The following BMP5 variants were observed in gnomAD, a reference collection of about 807,000 sequenced individuals.
BMP5 encodes bone morphogenetic protein 5.
BMP5 carries 23 observed loss-of-function variants against 46.6 expected under a neutral mutation model. The ratio of observed to expected loss-of-function variants is 0.49; its 90% CI spans 0.35 to 0.70. The LOEUF is 0.70. BMP5 is among the 30% of genes least tolerant of loss of function. The probability of loss-of-function intolerance (pLI) is 0.00; values close to 1 mark genes in which losing one functional copy is unlikely to be tolerated. For synonymous variants in BMP5, 204 were observed against 191.9 expected (o/e 1.06, Z -0.52); for missense variants, 545 against 565.6 (o/e 0.96, Z 0.37).
rs73744926 is a variant in BMP5, at chr6:55,840,541, C to T, written c.491-20694G>A. Among the ~76,000 whole-genome samples, 855 of 152,242 alleles carry T rather than the reference C, an allele frequency of 5.6e-3. 4 individuals are homozygous for T. The highest frequency in any genetic ancestry group is 0.019 in the African/African-American group (777 of 41,568). The stretch of plus-strand genomic sequence containing the variant: ...ATACTGATACTATTTTTCTGGTACT[C>T]TGACATTTTTCTTCCAGCATTTCTT... On this transcript the variant is annotated intron_variant, in intron 1 of 6. Coordinates refer to ENST00000370830, the MANE Select transcript of BMP5 (RefSeq NM_021073.4).
intron 2 of BMP5, among the ~76,000 whole-genome samples, chr6:55,814,922 G>A (rs1409019061): frequency 6.6e-6 from 1 of 152,154 alleles, no homozygotes; most frequent in Non-Finnish European, 1.5e-5. Flanking sequence ...CTGAGGTCAG[G>A]AGTTCAAGAC....
intron 2 of BMP5, among the ~76,000 whole-genome samples, chr6:55,812,065 T>C (rs2127535625): frequency 6.6e-6 from 1 of 152,262 alleles, no homozygotes; most frequent in East Asian, 1.9e-4. Flanking sequence ...CTGAATTATC[T>C]GGAAAATTCA....
chr6:55,823,819 T>C (rs1193714280), intron 1 of BMP5, among the ~76,000 whole-genome samples: 2 of 151,936 alleles, frequency 1.3e-5, no homozygotes, highest in East Asian at 3.9e-4. Context: ...TCCTCCTATC[T>C]TTATCTTAGC....
chr6:55,815,644 T>G (rs541333197), intron 2 of BMP5, among the ~76,000 whole-genome samples: 2 of 152,246 alleles, frequency 1.3e-5, no homozygotes, highest in East Asian at 3.9e-4. Context: ...GAGTAATATT[T>G]TTTAAATCAG....
chr6:55,800,049 TACAC>T, intron 2 of BMP5, among the ~76,000 whole-genome samples: 1 of 152,064 alleles, frequency 6.6e-6, no homozygotes, highest in South Asian at 2.1e-4. Flanking sequence ...CACACATGTA[TACAC>T]ACACACACAA....
rs542594784 is a variant in BMP5 at position 55,773,940 on chromosome 6, T to A, written c.1027+109A>T. ...CTAGAAACATCACTGGAAGATTTAATGTACCATCCGAAGGTATACATAGAG... is the reference window on the plus strand; with the variant it reads ...CTAGAAACATCACTGGAAGATTTAAAGTACCATCCGAAGGTATACATAGAG... On this transcript the variant is annotated intron_variant, in intron 4 of 6. Transcript: ENST00000370830. The A allele has an allele frequency of 1.8e-4, 212 of 1,183,242 alleles. 2 individuals are homozygous for A. The African/African-American group carries it at 2.9e-3, about 16-fold the overall frequency. The allele number at this position is 1,183,242 out of a possible 1,614,324, so 73.3% of individuals were successfully genotyped here.
At position 55,759,112 on chromosome 6, in the gene BMP5, A is replaced by T. The variant is rs762757308; in HGVS notation, c.1108T>A (p.Trp370Arg). 1 of 1,137,936 alleles carries T rather than the reference A, an allele frequency of 8.8e-7. No homozygotes were observed. Among genetic ancestry groups the T allele is most frequent in the Non-Finnish European group, 1.2e-6 (1 of 802,960 alleles). 70.5% of individuals were successfully genotyped at this position (1,137,936 alleles called of 1,614,324 possible). A position where few individuals can be genotyped will look rare whatever the true frequency, so the allele number is the denominator to read the frequency against. Residue 370 changes from tryptophan to arginine, a missense_variant, in exon 6 of 7, where the codon TGG (tryptophan) becomes AGG (arginine). By Grantham distance (101) the Trp-to-Arg change is moderately radical. Transcript: ENST00000370830. ...GCGTATCCTTCTGGTGCTATAATCCAGTCCTGACACATACACACACACACA... is the reference window on the plus strand; with the variant it reads ...GCGTATCCTTCTGGTGCTATAATCCTGTCCTGACACATACACACACACACA... Reference protein sequence around the residue: ...VSFRDLGWQDWIIAPEGYAAF... With the variant: ...VSFRDLGWQDRIIAPEGYAAF...
chr6:55,803,147 T>TG (rs548461323), intron 2 of BMP5, among the ~76,000 whole-genome samples: 2 of 3,022 alleles, frequency 6.6e-4, no homozygotes, highest in African/African-American at 1.2e-3. Context: ...TTAGCTGGGG[T>TG]GGGGGGGTGG....
chr6:55,801,890 G>A (rs183858016), intron 2 of BMP5, among the ~76,000 whole-genome samples: 75 of 152,250 alleles, frequency 4.9e-4, no homozygotes, highest in African/African-American at 1.6e-3. Flanking sequence ...TCATGCTTAC[G>A]GAAGTCACCG....
At chr6:55,818,552 T>A (rs1776331105) in intron 2 of BMP5, among the ~76,000 whole-genome samples, 2 of 152,094 alleles carry the variant, frequency 1.3e-5, no homozygotes, top group African/African-American at 2.4e-5. Context: ...AAATAAAAAA[T>A]TTTAAAAAAG....
chr6:55,823,257 G>C (rs1245111941), intron 1 of BMP5, among the ~76,000 whole-genome samples: 1 of 152,030 alleles, frequency 6.6e-6, no homozygotes, highest in Non-Finnish European at 1.5e-5. Context: ...TCTTTCAGCA[G>C]TACACAAAAA....
chr6:55,860,441 A>G (rs1189164954), intron 1 of BMP5, among the ~76,000 whole-genome samples: 1 of 152,228 alleles, frequency 6.6e-6, no homozygotes, highest in Non-Finnish European at 1.5e-5. Flanking sequence ...TCTAATAAAA[A>G]TTAAATGTTT....
At position 55,848,629 on chromosome 6, in the gene BMP5, A is replaced by T. The variant is rs73448131; in HGVS notation, c.490+25747T>A. ...TTGATGACTGAGGAGTTGGGAGTTT[A>T]TGCTGTGGTCCGTGGATGATCATAG... is the stretch of plus-strand genomic sequence containing the variant. On this transcript the variant is annotated intron_variant, in intron 1 of 6. Transcript: ENST00000370830. Among the ~76,000 whole-genome samples, 743 of 152,068 alleles carry T rather than the reference A, an allele frequency of 4.9e-3. 14 individuals are homozygous for T. Among genetic ancestry groups the T allele is most frequent in the African/African-American group, 0.016 (667 of 41,534 alleles).
Position 55,780,722 on chromosome 6 carries a change from A to T in BMP5, c.833-6479T>A, listed in dbSNP as rs1294237473. 2.6e-5 allele frequency among the ~76,000 whole-genome samples: 4 copies of T among 152,150 alleles called. No homozygotes were observed. In the East Asian group the frequency reaches 7.8e-4, roughly 30 times the overall value. ...ATATTTGGTCAGAAACATTGGCAGG[A>T]TAACTAAAGTCATGCAGGGGGAGAA... On this transcript the variant is annotated intron_variant, in intron 3 of 6. Coordinates refer to ENST00000370830, the MANE Select transcript of BMP5 (RefSeq NM_021073.4).
intron 1 of BMP5, among the ~76,000 whole-genome samples, chr6:55,833,873 T>C (rs1415540835): frequency 6.6e-6 from 1 of 152,150 alleles, no homozygotes; most frequent in African/African-American, 2.4e-5. Context: ...AGTCCTACAA[T>C]GTCCAGAGAG....
chr6:55,785,097 A>G (rs531215754), intron 3 of BMP5, among the ~76,000 whole-genome samples: 1 of 151,996 alleles, frequency 6.6e-6, no homozygotes, highest in South Asian at 2.1e-4. Context: ...TGCATGGTTT[A>G]AATTCTTACT....
intron 6 of BMP5, among the ~76,000 whole-genome samples, chr6:55,758,510 A>G (rs1330923343): frequency 6.6e-6 from 1 of 151,956 alleles, no homozygotes; most frequent in Non-Finnish European, 1.5e-5. Context: ...TTTAAAGATT[A>G]CAGGAGGAGG....
At chr6:55,853,907 A>G (rs1777318001) in intron 1 of BMP5, among the ~76,000 whole-genome samples, 1 of 152,202 alleles carries the variant, frequency 6.6e-6, no homozygotes, top group Non-Finnish European at 1.5e-5. Flanking sequence ...TTAGAGACAC[A>G]AATACTACCC....
chr6:55,812,171 T>C (rs1776152026), intron 2 of BMP5, among the ~76,000 whole-genome samples: 1 of 152,236 alleles, frequency 6.6e-6, no homozygotes, highest in South Asian at 2.1e-4. Flanking sequence ...GTCAGCCTTA[T>C]ATGAAAAGAT....
Sources: allele counts gnomAD v4.1 joint callset (sites outside exome capture counted in the v4.1 genomes callset), GRCh38; gene constraint gnomAD v4.1.1; transcripts MANE v1.5; gene names NCBI Gene and HGNC (gene_info 2026-07-23, HGNC 2026-07-21).